The following TRHDE variants were observed in gnomAD, a reference collection of about 807,000 sequenced individuals.
TRHDE encodes thyrotropin-releasing hormone-degrading ectoenzyme.
TRHDE carries 72 observed loss-of-function variants against 125.7 expected under a neutral mutation model. That is an observed-to-expected ratio of 0.57 (90% CI 0.47 to 0.70). TRHDE has a LOEUF of 0.70. Among genes scored for constraint, TRHDE ranks in the 30% least tolerant of loss-of-function variants. The pLI, the probability that TRHDE is intolerant of heterozygous loss-of-function variation, is 0.00. For missense variants in TRHDE, 1,110 were observed against 1,327.1 expected, an observed-to-expected ratio of 0.84 and a Z score of 2.54; for synonymous variants, 509 against 509.1, an observed-to-expected ratio of 1.00 and a Z score of 0.00.
At chr12:72,332,151 T>A (rs1428646793) in intron 2 of TRHDE, among the ~76,000 whole-genome samples, 1 of 151,904 alleles carries the variant, frequency 6.6e-6, no homozygotes, top group Non-Finnish European at 1.5e-5. Flanking sequence ...AAACTCTTTT[T>A]TTTTTGAGAT....
At chr12:72,170,344 G>A (rs980501833) in intron 2 of TRHDE, among the ~76,000 whole-genome samples, 1 of 152,174 alleles carries the variant, frequency 6.6e-6, no homozygotes, top group African/African-American at 2.4e-5. Flanking sequence ...AAATTGGAAA[G>A]TAAGTCTTGA....
At chr12:72,615,361 C>A (rs2136073289) in intron 12 of TRHDE, among the ~76,000 whole-genome samples, 1 of 152,232 alleles carries the variant, frequency 6.6e-6, no homozygotes, top group Middle Eastern at 3.4e-3. Context: ...AGTGCGCTTC[C>A]TACTGGGCTG....
chr12:72,149,687 A>G (rs537451633), intron 2 of TRHDE, among the ~76,000 whole-genome samples: 1 of 152,198 alleles, frequency 6.6e-6, no homozygotes, highest in South Asian at 2.1e-4. Context: ...TAAAGAAGGT[A>G]AATAGCATGT....
chr12:72,441,743 A>G (rs1375967074), intron 3 of TRHDE, among the ~76,000 whole-genome samples: 1 of 151,928 alleles, frequency 6.6e-6, no homozygotes, highest in East Asian at 1.9e-4. Flanking sequence ...TCACATGCAT[A>G]TTGAATTTTG....
intron 2 of TRHDE, among the ~76,000 whole-genome samples, chr12:72,117,619 C>A (rs1359100413): frequency 1.3e-5 from 2 of 152,026 alleles, no homozygotes; most frequent in African/African-American, 2.4e-5. Flanking sequence ...TGAAGAATGT[C>A]ATTGGTATTT....
intron 2 of TRHDE, among the ~76,000 whole-genome samples, chr12:72,121,352 T>C (rs1875576517): frequency 5.3e-5 from 8 of 152,200 alleles, no homozygotes; most frequent in Admixed American, 5.2e-4. Context: ...TCCAGAGCAC[T>C]TCAGCTCATA....
intron 15 of TRHDE, among the ~76,000 whole-genome samples, chr12:72,636,019 G>GT (rs1368016008): frequency 2.0e-5 from 3 of 150,598 alleles, no homozygotes; most frequent in Admixed American, 2.0e-4. Flanking sequence ...CTTTAAAGTA[G>GT]TTTTTTCCAA....
intron 1 of TRHDE, among the ~76,000 whole-genome samples, chr12:72,285,115 TA>T (rs1879833462): frequency 6.6e-6 from 1 of 152,228 alleles, no homozygotes; most frequent in African/African-American, 2.4e-5. Context: ...ATGATCAATG[TA>T]AGCTTCATAA....
At chr12:72,337,089 G>T (rs1869862673) in intron 2 of TRHDE, among the ~76,000 whole-genome samples, 1 of 152,188 alleles carries the variant, frequency 6.6e-6, no homozygotes, top group African/African-American at 2.4e-5. Context: ...CCTAGCACAT[G>T]ATTAGTACTC....
intron 12 of TRHDE, among the ~76,000 whole-genome samples, chr12:72,580,293 T>G (rs967967473): frequency 2.0e-5 from 3 of 152,232 alleles, no homozygotes; most frequent in Admixed American, 2.0e-4. Context: ...CTTTACAGTC[T>G]GGCACTGTTT....
intron 2 of TRHDE, among the ~76,000 whole-genome samples, chr12:72,328,850 T>A (rs995518265): frequency 7.9e-5 from 12 of 152,180 alleles, no homozygotes; most frequent in Admixed American, 2.0e-4. Flanking sequence ...AATATTTCAT[T>A]GTTTATTTTA....
At chr12:72,410,502 T>C (rs1392043437) in intron 3 of TRHDE, among the ~76,000 whole-genome samples, 4 of 152,032 alleles carry the variant, frequency 2.6e-5, no homozygotes, top group African/African-American at 7.2e-5. Flanking sequence ...CTAAGCAAAA[T>C]TTCGCAAATA....
At chr12:72,578,984 G>GTTTTTTT (rs3081947) in intron 12 of TRHDE, among the ~76,000 whole-genome samples, 41 of 135,934 alleles carry the variant, frequency 3.0e-4, no homozygotes, top group African/African-American at 7.9e-4. Flanking sequence ...ACTGTTTAGT[G>GTTTTTTT]TTTTTTTTTT....
intron 12 of TRHDE, among the ~76,000 whole-genome samples, chr12:72,591,442 C>A (rs1440240197): frequency 6.6e-6 from 1 of 151,812 alleles, no homozygotes; most frequent in Non-Finnish European, 1.5e-5. Context: ...TATTTGCTTC[C>A]TGCCTTTGTA....
chr12:72,425,505 A>G, intron 3 of TRHDE, among the ~76,000 whole-genome samples: 1 of 152,068 alleles, frequency 6.6e-6, no homozygotes, highest in Non-Finnish European at 1.5e-5. Context: ...TTATCAAATC[A>G]ATTGAGTTTC....
chr12:72,521,434 TGGTGTAGAG>T (rs1291224678), intron 6 of TRHDE, among the ~76,000 whole-genome samples: 1 of 152,142 alleles, frequency 6.6e-6, no homozygotes, highest in Non-Finnish European at 1.5e-5. Context: ...GAGATGAGCA[TGGTGTAGAG>T]GGGAGAGTGT....
chr12:72,402,653 C>A (rs565000003), intron 3 of TRHDE, among the ~76,000 whole-genome samples: 1 of 152,302 alleles, frequency 6.6e-6, no homozygotes, highest in South Asian at 2.1e-4. Flanking sequence ...AGTAAGGTCA[C>A]ATTCACAGGT....
intron 2 of TRHDE, among the ~76,000 whole-genome samples, chr12:72,224,650 C>A (rs369094336): frequency 6.0e-4 from 92 of 152,138 alleles, no homozygotes; most frequent in African/African-American, 2.1e-3. Flanking sequence ...ACTGGGGGTT[C>A]CCCTGGATTG....
intron 3 of TRHDE, among the ~76,000 whole-genome samples, chr12:72,447,241 C>G (rs542749492): frequency 6.6e-6 from 1 of 152,086 alleles, no homozygotes. Context: ...TACATGGAAA[C>G]TGAACAACCT....
Sources: allele counts gnomAD v4.1 joint callset (sites outside exome capture counted in the v4.1 genomes callset), GRCh38; gene constraint gnomAD v4.1.1; transcripts MANE v1.5; gene names NCBI Gene and HGNC (gene_info 2026-07-23, HGNC 2026-07-21).